The following GLI2 variants were observed in gnomAD, a reference collection of about 807,000 sequenced individuals.
The protein encoded by GLI2 is transcription activator GLI2.
A neutral mutation model predicts 78.9 loss-of-function variants in GLI2; 22 were observed. The observed-to-expected ratio is 0.28, with a 90% CI of 0.20 to 0.40. The LOEUF (loss-of-function observed/expected upper bound fraction) is 0.40, where lower values mean the gene tolerates loss of function less well. GLI2 is among the 10% of genes least tolerant of loss of function. GLI2 has a pLI of 1.00. For missense variants in GLI2, 2,097 were observed against 2,213.2 expected (o/e 0.95, Z 1.05); for synonymous variants, 974 against 963.7 (o/e 1.01, Z -0.20).
At chr2:120,879,158 G>T (rs1320488693) in intron 2 of GLI2, among the ~76,000 whole-genome samples, 3 of 152,178 alleles carry the variant, frequency 2.0e-5, no homozygotes. Context: ...CCCAGGAGGG[G>T]CAGGGACTTC....
rs369068601 is a variant in GLI2, at chr2:120,942,793, T to TATTC, written c.255-8436_255-8433dup. Among the ~76,000 whole-genome samples, 317 of 145,988 alleles carry TATTC rather than the reference T, an allele frequency of 2.2e-3. 2 individuals carry two copies. Among genetic ancestry groups the TATTC allele is most frequent in the African/African-American group, 8.5e-3 (303 of 35,486 alleles). ...TCTTCCCTGGACACGCTCCCTGCTT[T>TATTC]ATTCATTCATTCATTCACTCATTCG... On this transcript the variant is annotated intron_variant, in intron 3 of 13. Coordinates refer to ENST00000361492, the MANE Select transcript of GLI2 (RefSeq NM_001374353.1).
At chr2:120,978,645 G>T in intron 10 of GLI2, 62 bp downstream of exon 10, 1 of 1,577,704 alleles carries the variant, frequency 6.3e-7, no homozygotes, top group Non-Finnish European at 8.6e-7. Context: ...CCAGGCCGGG[G>T]GGATCATGTT....
intron 1 of GLI2, among the ~76,000 whole-genome samples, chr2:120,789,239 G>A (rs1298182831): frequency 6.6e-6 from 1 of 151,986 alleles, no homozygotes; most frequent in Admixed American, 6.6e-5. Context: ...GGCCAGGCTG[G>A]TCTCAAGCTT....
rs775213696 is a variant in GLI2 at position 120,989,971 on chromosome 2, G to A, written c.4006G>A (p.Glu1336Lys). 29 of 1,611,064 alleles carry A rather than the reference G, an allele frequency of 1.8e-5. No individual in the cohort carries two copies. Among genetic ancestry groups the A allele is most frequent in the Non-Finnish European group, 2.5e-5 (29 of 1,179,010 alleles). ...GCCTGCCCGCCAGCCTGGCTTCATG[G>A]AGCCCCAAACAGGCCCGATGGGGGT... The part of the protein sequence containing the change: ...LLPARQPGFM[E>K]PQTGPMGVAT... The change falls in exon 14 of 14, where the codon GAG becomes AAG. Residue 1336 changes from glutamate (E) to lysine (K), a missense_variant. Glu to Lys is a moderately conservative substitution (Grantham distance 56, BLOSUM62 1). Coordinates refer to ENST00000361492, the MANE Select transcript of GLI2 (RefSeq NM_001374353.1).
chr2:120,812,414 G>A (rs546220560), intron 2 of GLI2, among the ~76,000 whole-genome samples: 109 of 152,306 alleles, frequency 7.2e-4, no homozygotes, highest in African/African-American at 2.5e-3. Context: ...TGTCTTTCAC[G>A]GGGGAATGAT....
chr2:120,976,715 G>A (rs945446231), intron 9 of GLI2, among the ~76,000 whole-genome samples: 1 of 152,222 alleles, frequency 6.6e-6, no homozygotes, highest in African/African-American at 2.4e-5. Flanking sequence ...AAACTGGGAG[G>A]AGGGCTTTAG....
At chr2:120,893,092 A>G (rs1261059285) in intron 2 of GLI2, among the ~76,000 whole-genome samples, 1 of 152,222 alleles carries the variant, frequency 6.6e-6, no homozygotes, top group Non-Finnish European at 1.5e-5. Context: ...GAGTTATTTG[A>G]CTAAGGCATC....
intron 2 of GLI2, among the ~76,000 whole-genome samples, chr2:120,870,617 C>A (rs1358352066): frequency 6.6e-6 from 1 of 152,182 alleles, no homozygotes; most frequent in Non-Finnish European, 1.5e-5. Context: ...ACCTGTGTTG[C>A]TTAGTGTAGG....
chr2:120,773,742 G>A (rs919113288), intron 1 of GLI2, among the ~76,000 whole-genome samples: 1 of 152,136 alleles, frequency 6.6e-6, no homozygotes, highest in Admixed American at 6.5e-5. Context: ...GCACGGCCTT[G>A]GGGCTCAAAG....
At chr2:120,813,725 C>A (rs1450527084) in intron 2 of GLI2, among the ~76,000 whole-genome samples, 1 of 152,280 alleles carries the variant, frequency 6.6e-6, no homozygotes, top group South Asian at 2.1e-4. Context: ...GCAGTCTTGT[C>A]CCCAAGACAA....
chr2:120,911,077 G>A (rs75181142), intron 2 of GLI2, among the ~76,000 whole-genome samples: 1,939 of 152,236 alleles, frequency 0.013, 46 homozygotes, highest in African/African-American at 0.043. Context: ...AGGAGAACAG[G>A]GGATGAGTCG....
intron 1 of GLI2, among the ~76,000 whole-genome samples, chr2:120,766,882 C>T (rs1683380997): frequency 1.3e-5 from 2 of 152,236 alleles, no homozygotes; most frequent in South Asian, 2.1e-4. Context: ...TAGGGCAGTT[C>T]GCTATGGAGG....
chr2:120,988,719 G>A lies in GLI2; in HGVS notation c.2754G>A (p.Leu918=). The change falls in exon 14 of 14, where the codon CTG becomes CTA. Residue 918 remains leucine (L), a synonymous_variant. Transcript: ENST00000361492. ...RTLPAGCPRP[L]GPRRGSDGPT... is the part of the protein sequence containing the mutation. ...TGCCCGCCGGCTGCCCACGCCCACT[G>A]GGGCCGCGGCGTGGCAGCGACGGGC... 1 of 1,200,272 alleles carries A rather than the reference G, an allele frequency of 8.3e-7. No individual in the cohort carries two copies. Among genetic ancestry groups the A allele is most frequent in the Non-Finnish European group, 1.0e-6 (1 of 965,068 alleles). 74.4% of individuals were successfully genotyped at this position (1,200,272 alleles called of 1,614,324 possible).
intron 5 of GLI2, among the ~76,000 whole-genome samples, chr2:120,957,337 C>T (rs1298397281): frequency 6.6e-6 from 1 of 152,202 alleles, no homozygotes; most frequent in Non-Finnish European, 1.5e-5. Flanking sequence ...CATTGACGTC[C>T]CTCTGAGTAC....
intron 2 of GLI2, among the ~76,000 whole-genome samples, chr2:120,805,796 A>C (rs1174934502): frequency 6.6e-6 from 1 of 152,222 alleles, no homozygotes; most frequent in Non-Finnish European, 1.5e-5. Flanking sequence ...AACTAATTTT[A>C]GCATTTCTAA....
Position 120,975,111 on chromosome 2 carries a change from T to C in GLI2, c.1317+2T>C. The C allele has an allele frequency of 1.9e-6, 3 of 1,613,742 alleles. No homozygotes were observed. Among genetic ancestry groups the C allele is most frequent in the Non-Finnish European group, 2.5e-6 (3 of 1,180,000 alleles). ...GACACCCAGGAGCAGCTGGTGCATGTAAGCTTTTGAACCCCAGCAGCCCGC... is the reference window on the plus strand; with the variant it reads ...GACACCCAGGAGCAGCTGGTGCATGCAAGCTTTTGAACCCCAGCAGCCCGC... On this transcript the variant is annotated splice_donor_variant, in intron 9 of 13. Coordinates refer to ENST00000361492, the MANE Select transcript of GLI2 (RefSeq NM_001374353.1). LOFTEE classifies it high-confidence loss of function.
Position 120,782,835 on chromosome 2 carries a change from G to T in GLI2, c.-30-14456G>T, listed in dbSNP as rs1352848953. On this transcript the variant is annotated intron_variant, in intron 1 of 13. Coordinates refer to ENST00000361492, the MANE Select transcript of GLI2 (RefSeq NM_001374353.1). ...AGATATTGCCAAATGTCCCTTGGTG[G>T]CAAATTCACTCCCGGTTGAGAACTG... Among the ~76,000 whole-genome samples the T allele has an allele frequency of 2.0e-5, 3 of 152,186 alleles. No homozygotes were observed. In the South Asian group the frequency reaches 6.2e-4, roughly 32 times the overall value.
intron 3 of GLI2, among the ~76,000 whole-genome samples, chr2:120,945,938 C>T (rs1036196190): frequency 7.4e-6 from 1 of 135,860 alleles, no homozygotes; most frequent in African/African-American, 2.6e-5. Context: ...CTGTGCCCTG[C>T]CCCTCAGGCA....
At chr2:120,830,973 C>T (rs901885974) in intron 2 of GLI2, among the ~76,000 whole-genome samples, 2 of 129,340 alleles carry the variant, frequency 1.5e-5, no homozygotes, top group Non-Finnish European at 3.2e-5. Flanking sequence ...CTCCGTATCT[C>T]TCTCTGTCTC....
Sources: gnomAD v4.1 joint callset for allele counts (sites outside exome capture counted in the v4.1 genomes callset) on GRCh38, gnomAD v4.1.1 for gene constraint, MANE v1.5 for transcripts, NCBI Gene and HGNC (gene_info 2026-07-23, HGNC 2026-07-21) for gene names.